Variants in APLP2 observed in about 807,000 individuals in gnomAD.
The protein encoded by APLP2 is amyloid beta precursor like protein 2, also known as CDEI box-binding protein.
In APLP2, 53 loss-of-function variants were observed where a neutral mutation model predicts 89.9. The observed-to-expected ratio is 0.59, with a 90% CI of 0.47 to 0.74. APLP2 has a LOEUF of 0.74. Among genes scored for constraint, APLP2 ranks in the 30% least tolerant of loss-of-function variants. The pLI is 0.00. For synonymous variants in APLP2, 372 were observed against 348.6 expected (o/e 1.07, Z -0.75); for missense variants, 973 against 975.9 (o/e 1.00, Z 0.04).
At chr11:130,078,594 T>A (rs58488415) in intron 1 of APLP2, among the ~76,000 whole-genome samples, 1 of 152,102 alleles carries the variant, frequency 6.6e-6, no homozygotes, top group South Asian at 2.1e-4. Flanking sequence ...GAACTTTATT[T>A]TTTTGCCTTT....
intron 13 of APLP2, among the ~76,000 whole-genome samples, chr11:130,139,855 G>T (rs185809087): frequency 1.9e-4 from 29 of 152,280 alleles, no homozygotes; most frequent in African/African-American, 6.7e-4. Context: ...ATGACAGACT[G>T]TTGTCATTAC....
At chr11:130,079,159 T>G (rs1942692163) in intron 1 of APLP2, among the ~76,000 whole-genome samples, 1 of 152,056 alleles carries the variant, frequency 6.6e-6, no homozygotes, top group Non-Finnish European at 1.5e-5. Context: ...AGTGCAGTGG[T>G]GCAGTCTCTG....
intron 12 of APLP2, 149 bp from the exon 13 acceptor site, chr11:130,135,414 T>C: frequency 1.1e-6 from 1 of 913,022 alleles, no homozygotes; most frequent in Non-Finnish European, 1.6e-6. Flanking sequence ...GTCCCTGGTG[T>C]TGGGGCTCTG....
intron 1 of APLP2, among the ~76,000 whole-genome samples, chr11:130,075,519 T>C (rs1443723970): frequency 6.6e-6 from 1 of 152,148 alleles, no homozygotes; most frequent in African/African-American, 2.4e-5. Context: ...AACACACTCG[T>C]GTATGATTTC....
rs1952369431 is a variant in APLP2 at position 130,141,426 on chromosome 11, G to A, written c.1924-72G>A. 8.0e-7 allele frequency: 1 copy of A among 1,250,670 alleles called. No individual in the cohort carries two copies. Among genetic ancestry groups the A allele is most frequent in the East Asian group, 2.3e-5 (1 of 43,108 alleles). The allele number at this position is 1,250,670 out of a possible 1,614,324, so 77.5% of individuals were successfully genotyped here. A position where few individuals can be genotyped will look rare whatever the true frequency, so the allele number is the denominator to read the frequency against. ...TTCCATCAAGCAGCAGGTAGCAGAGGAAGGAGGCAGTAAATACCAAACTCC... is the reference window on the plus strand; with the variant it reads ...TTCCATCAAGCAGCAGGTAGCAGAGAAAGGAGGCAGTAAATACCAAACTCC... On this transcript the variant is annotated intron_variant, in intron 14 of 16. Transcript: ENST00000338167. This position sits in a 1 kb window ranked among gnomAD's most constrained non-coding sequence, Gnocchi z 4.2.
At chr11:130,096,775 T>G (rs1277404218) in intron 1 of APLP2, among the ~76,000 whole-genome samples, 3 of 152,210 alleles carry the variant, frequency 2.0e-5, no homozygotes, top group African/African-American at 7.2e-5. Flanking sequence ...CATGTGTGCT[T>G]ACACACACGT....
chr11:130,071,400 A>G (rs1440563791), intron 1 of APLP2, among the ~76,000 whole-genome samples: 1 of 152,244 alleles, frequency 6.6e-6, no homozygotes, highest in Non-Finnish European at 1.5e-5. Context: ...ACGTTTATCT[A>G]CAGAGGATTT....
chr11:130,116,728 T>C (rs529594055), intron 3 of APLP2, among the ~76,000 whole-genome samples: 10 of 152,104 alleles, frequency 6.6e-5, no homozygotes, highest in African/African-American at 9.7e-5. Context: ...TGCCTCAGCC[T>C]CATAAAGTGC....
At chr11:130,122,047 A>G (rs1463137025) in intron 5 of APLP2, among the ~76,000 whole-genome samples, 1 of 152,208 alleles carries the variant, frequency 6.6e-6, no homozygotes, top group Admixed American at 6.5e-5. Flanking sequence ...ATATTTTTTA[A>G]GAGTCCGTGT....
intron 1 of APLP2, among the ~76,000 whole-genome samples, chr11:130,095,818 G>A (rs976496795): frequency 6.6e-6 from 1 of 152,230 alleles, no homozygotes; most frequent in African/African-American, 2.4e-5. Context: ...CTAGTTTAGT[G>A]CAGTATCTTG....
At chr11:130,117,158 AGTTT>A (rs1949285617) in intron 3 of APLP2, among the ~76,000 whole-genome samples, 1 of 152,178 alleles carries the variant, frequency 6.6e-6, no homozygotes. Flanking sequence ...TTTAGAATTT[AGTTT>A]GTTTTCAAAT....
chr11:130,110,396 G>A (rs1948396230), intron 2 of APLP2, 142 bp from the exon 3 acceptor site: 2 of 996,322 alleles, frequency 2.0e-6, no homozygotes, highest in South Asian at 3.3e-5. Flanking sequence ...ACTTCAGTTA[G>A]AGCCAGGGAT....
At position 130,122,402 on chromosome 11, in the gene APLP2, C is replaced by A; in HGVS notation, c.811C>A (p.Arg271=). Residue 271 remains arginine (R), a synonymous_variant, in exon 6 of 17, where the codon CGA becomes AGA. Coordinates refer to ENST00000338167, the MANE Select transcript of APLP2 (RefSeq NM_001142276.2). ...AGAAGGGGAGGAAGTGGTGGAGGAC[C>A]GAGATTACTACTATGACACCTTCAA... ...EEEGEEVVED[R]DYYYDTFKGD... is the part of the protein sequence containing the mutation. The A allele has an allele frequency of 6.2e-7, 1 of 1,614,010 alleles. No homozygotes were observed. Among genetic ancestry groups the A allele is most frequent in the Non-Finnish European group, 8.5e-7 (1 of 1,180,010 alleles).
At chr11:130,098,225 T>G (rs1364401345) in intron 1 of APLP2, among the ~76,000 whole-genome samples, 1 of 152,070 alleles carries the variant, frequency 6.6e-6, no homozygotes, top group Non-Finnish European at 1.5e-5. Flanking sequence ...GCCAACACGG[T>G]GAAACCCCAT....
chr11:130,094,755 A>G (rs57934566), intron 1 of APLP2, among the ~76,000 whole-genome samples: 3,995 of 152,274 alleles, frequency 0.026, 162 homozygotes, highest in African/African-American at 0.09. Context: ...CTAAAACAGG[A>G]AGTTGAGAAA....
intron 1 of APLP2, among the ~76,000 whole-genome samples, chr11:130,072,232 C>G (rs1941238827): frequency 6.6e-6 from 1 of 152,150 alleles, no homozygotes; most frequent in Non-Finnish European, 1.5e-5. Context: ...GTGCTGAAAC[C>G]CCGCATACTG....
In APLP2 at chr11:130,090,177, A is replaced by G. The variant is rs141440294; in HGVS notation, c.106-19252A>G. Among the ~76,000 whole-genome samples, 125 of 150,608 alleles carry G rather than the reference A, an allele frequency of 8.3e-4. 1 individual carries two copies. The East Asian group carries it at 0.021, about 25-fold the overall frequency. On this transcript the variant is annotated intron_variant, in intron 1 of 16. Coordinates refer to ENST00000338167, the MANE Select transcript of APLP2 (RefSeq NM_001142276.2). ...ACTTTCCCATCTCTAGTTTTCCAGT[A>G]TATTCATAGTAGCTGTTGAATTGTT...
At position 130,127,125 on chromosome 11, in the gene APLP2, C is replaced by A. The variant is rs538798938; in HGVS notation, c.1221+295C>A. Among the ~76,000 whole-genome samples, 9 of 143,710 alleles carry A rather than the reference C, an allele frequency of 6.3e-5. No individual in the cohort carries two copies. The East Asian group carries it at 1.8e-3, about 28-fold the overall frequency. The allele number at this position is 143,710 out of a possible 152,430, so 94.3% of individuals were successfully genotyped here. On this transcript the variant is annotated intron_variant, in intron 8 of 16. Transcript: ENST00000338167. ...AATTTCTTTATTTTAAAGAAGGAAACTTTATATCACTGTTATCAATAAAAA... is the reference window on the plus strand; with the variant it reads ...AATTTCTTTATTTTAAAGAAGGAAAATTTATATCACTGTTATCAATAAAAA...
rs1229501579 is a variant in APLP2, at chr11:130,069,994, C to T, written c.17C>T (p.Thr6Ile). 2 of 1,502,214 alleles carry T rather than the reference C, an allele frequency of 1.3e-6. No individual in the cohort carries two copies. Among genetic ancestry groups the T allele is most frequent in the Non-Finnish European group, 1.8e-6 (2 of 1,130,338 alleles). The allele number at this position is 1,502,214 out of a possible 1,614,324, so 93.1% of individuals were successfully genotyped here. A position where few individuals can be genotyped will look rare whatever the true frequency, so the allele number is the denominator to read the frequency against. Residue 6 changes from threonine to isoleucine, a missense_variant, in exon 1 of 17, where the codon ACC becomes ATC. Transcript: ENST00000338167. MAATGTAAAAATGRLL... is the reference protein window; with the variant it reads MAATGIAAAAATGRLL... ...CGGCGAGGGATGGCGGCCACCGGGA[C>T]CGCGGCCGCCGCAGCCACGGGCAGG...
Sources: allele counts gnomAD v4.1 joint callset (sites outside exome capture counted in the v4.1 genomes callset), GRCh38; gene constraint gnomAD v4.1.1; non-coding constraint Gnocchi (gnomAD v3.1); transcripts MANE v1.5; gene names NCBI Gene and HGNC (gene_info 2026-07-23, HGNC 2026-07-21).